NME7: variants seen among roughly 807,000 people sequenced by gnomAD.
NME7 encodes the protein nucleoside diphosphate kinase 7.
NME7 carries 41 observed loss-of-function variants against 49.1 expected under a neutral mutation model. The ratio of observed to expected loss-of-function variants is 0.83; its 90% CI spans 0.65 to 1.08. The LOEUF is 1.08. NME7 is among the 50% of genes least tolerant of loss of function. NME7 has a pLI of 0.00. For missense variants in NME7, 423 were observed against 463.4 expected (o/e 0.91, Z 0.80); for synonymous variants, 139 against 150.6 (o/e 0.92, Z 0.56).
chr1:169,132,556 G>T lies in NME7; in HGVS notation c.*229C>A. 1 of 430,686 alleles carries T rather than the reference G, an allele frequency of 2.3e-6. No individual in the cohort carries two copies. Among genetic ancestry groups the T allele is most frequent in the South Asian group, 7.9e-5 (1 of 12,702 alleles). The allele number at this position is 430,686 out of a possible 1,614,324, so 26.7% of individuals were successfully genotyped here. A position where few individuals can be genotyped will look rare whatever the true frequency, so the allele number is the denominator to read the frequency against. On this transcript the variant is annotated 3_prime_UTR_variant, in exon 12 of 12. Coordinates refer to ENST00000367811, the MANE Select transcript of NME7 (RefSeq NM_013330.5). ...TTGTTTGAAAATAAATCTTTATTTT[G>T]AACTTTATAAAAAGCAATGCAGTAC... is the stretch of plus-strand genomic sequence containing the variant.
At chr1:169,217,989 C>G (rs1021055752) in intron 10 of NME7, among the ~76,000 whole-genome samples, 6 of 152,138 alleles carry the variant, frequency 3.9e-5, no homozygotes, top group Non-Finnish European at 1.5e-5. Context: ...TTAATATGTA[C>G]TAAATTTCCT....
rs1216030571 is a variant in NME7, at chr1:169,273,941, T to C, written c.754+13362A>G. On this transcript the variant is annotated intron_variant, in intron 7 of 11. Transcript: ENST00000367811. ...AAACATACGTGTGCATGTGTCTTTA[T>C]AGCAGCATGATTTATAGTCCTTTAG... 4.6e-5 allele frequency among the ~76,000 whole-genome samples: 6 copies of C among 131,726 alleles called. 1 individual carries two copies. Among genetic ancestry groups the C allele is most frequent in the Admixed American group, 2.3e-4 (3 of 13,270 alleles). 86.4% of individuals were successfully genotyped at this position (131,726 alleles called of 152,430 possible).
At chr1:169,249,738 T>C (rs1343391605) in intron 7 of NME7, among the ~76,000 whole-genome samples, 1 of 152,130 alleles carries the variant, frequency 6.6e-6, no homozygotes, top group Non-Finnish European at 1.5e-5. Context: ...CAGATGATCA[T>C]AGAGTTTTTC....
chr1:169,219,935 C>T (rs535446451), intron 10 of NME7, among the ~76,000 whole-genome samples: 13 of 152,300 alleles, frequency 8.5e-5, no homozygotes, highest in South Asian at 6.2e-4. Context: ...GAAGAAGCTA[C>T]AGAAACTTGA....
chr1:169,347,422 G>A (rs1368380307), intron 1 of NME7, among the ~76,000 whole-genome samples: 6 of 151,992 alleles, frequency 3.9e-5, no homozygotes, highest in Non-Finnish European at 8.8e-5. Context: ...TTGGGAGGAA[G>A]ATGGACGTTG....
intron 7 of NME7, among the ~76,000 whole-genome samples, chr1:169,280,926 T>C (rs1649983944): frequency 6.6e-6 from 1 of 152,050 alleles, no homozygotes; most frequent in African/African-American, 2.4e-5. Context: ...CAAGATTGTC[T>C]TGGCTACGCA....
At chr1:169,361,534 G>T (rs951162719) in intron 1 of NME7, among the ~76,000 whole-genome samples, 5 of 152,164 alleles carry the variant, frequency 3.3e-5, no homozygotes, top group African/African-American at 1.2e-4. Flanking sequence ...AATCCCAGCA[G>T]TTTGGAAGGC....
At chr1:169,203,250 A>C (rs928139882) in intron 10 of NME7, among the ~76,000 whole-genome samples, 1 of 152,210 alleles carries the variant, frequency 6.6e-6, no homozygotes, top group African/African-American at 2.4e-5. Context: ...TTCATGCCTT[A>C]TGCAAATGAG....
At chr1:169,331,369 C>T (rs184112780) in intron 1 of NME7, among the ~76,000 whole-genome samples, 3 of 152,130 alleles carry the variant, frequency 2.0e-5, no homozygotes, top group Middle Eastern at 6.8e-3. Flanking sequence ...TAGTATCATA[C>T]TGAATGGGGA....
At chr1:169,271,053 AAT>A (rs1649474179) in intron 7 of NME7, among the ~76,000 whole-genome samples, 1 of 128,004 alleles carries the variant, frequency 7.8e-6, no homozygotes, top group African/African-American at 2.5e-5. Context: ...CTAAAATGAC[AAT>A]ATATTTTAAT....
intron 10 of NME7, among the ~76,000 whole-genome samples, chr1:169,218,383 G>A (rs1661035320): frequency 6.6e-6 from 1 of 152,042 alleles, no homozygotes; most frequent in South Asian, 2.1e-4. Flanking sequence ...CTTGAACTCA[G>A]GAGACCAGCC....
At chr1:169,143,885 T>A (rs1339627010) in intron 11 of NME7, among the ~76,000 whole-genome samples, 1 of 152,178 alleles carries the variant, frequency 6.6e-6, no homozygotes, top group Non-Finnish European at 1.5e-5. Flanking sequence ...CTCAACAATT[T>A]TTTTTTATTG....
At chr1:169,331,871 T>C (rs2101947926) in intron 1 of NME7, among the ~76,000 whole-genome samples, 1 of 152,002 alleles carries the variant, frequency 6.6e-6, no homozygotes, top group South Asian at 2.1e-4. Context: ...ATTAACATTG[T>C]TAAAATGTCC....
intron 1 of NME7, among the ~76,000 whole-genome samples, 177 bp from the exon 2 acceptor site, chr1:169,324,677 C>T (rs552995295): frequency 1.3e-5 from 2 of 152,296 alleles, no homozygotes; most frequent in South Asian, 4.1e-4. Context: ...AGCAATATTT[C>T]CTTTCAATTT....
In NME7 at chr1:169,258,104, A is replaced by G. The variant is rs186372670; in HGVS notation, c.755-20417T>C. Among the ~76,000 whole-genome samples the G allele has an allele frequency of 5.8e-4, 76 of 131,730 alleles. 12 individuals are homozygous for G. Among genetic ancestry groups the G allele is most frequent in the Admixed American group, 5.6e-3 (75 of 13,322 alleles). 86.4% of individuals were successfully genotyped at this position (131,730 alleles called of 152,430 possible). A position where few individuals can be genotyped will look rare whatever the true frequency, so the allele number is the denominator to read the frequency against. On this transcript the variant is annotated intron_variant, in intron 7 of 11. Transcript: ENST00000367811. ...TATAATTCCAACACTTTGAGGGGCC[A>G]AGTCAGGAGGACTCCTTGAGTCCAG...
chr1:169,277,093 G>C (rs1400572305), intron 7 of NME7, among the ~76,000 whole-genome samples: 3 of 150,520 alleles, frequency 2.0e-5, no homozygotes, highest in East Asian at 4.0e-4. Context: ...TTGCTGAGGA[G>C]AGCTTTACTT....
intron 11 of NME7, among the ~76,000 whole-genome samples, chr1:169,150,079 G>A (rs1383524981): frequency 2.0e-5 from 3 of 152,000 alleles, no homozygotes; most frequent in Non-Finnish European, 4.4e-5. Flanking sequence ...GGCTGACAGT[G>A]GAGGACTGCC....
intron 11 of NME7, among the ~76,000 whole-genome samples, chr1:169,143,627 T>C (rs1658671423): frequency 6.6e-6 from 1 of 152,220 alleles, no homozygotes; most frequent in South Asian, 2.1e-4. Context: ...ATAGGAGCTC[T>C]TGTTCATTAC....
At chr1:169,208,798 G>A (rs1264084657) in intron 10 of NME7, among the ~76,000 whole-genome samples, 1 of 152,064 alleles carries the variant, frequency 6.6e-6, no homozygotes, top group Admixed American at 6.6e-5. Context: ...ATCCCAAAAA[G>A]TCTCTAAATG....
Sources: allele counts gnomAD v4.1 joint callset (sites outside exome capture counted in the v4.1 genomes callset), GRCh38; gene constraint gnomAD v4.1.1; transcripts MANE v1.5; gene names NCBI Gene and HGNC (gene_info 2026-07-23, HGNC 2026-07-21).